Variants in TFEB observed in about 807,000 individuals in gnomAD.
The protein encoded by TFEB is transcription factor EB, also known as T-cell transcription factor EB.
Under a neutral mutation model 48.0 loss-of-function variants are expected in TFEB, and 12 were observed. The observed-to-expected ratio is 0.25, with a 90% CI of 0.16 to 0.40. The LOEUF (loss-of-function observed/expected upper bound fraction) is 0.40, where lower values mean the gene tolerates loss of function less well. TFEB is among the 10% of genes least tolerant of loss of function. The pLI, the probability that TFEB is intolerant of heterozygous loss-of-function variation, is 1.00. For synonymous variants in TFEB, 244 were observed against 261.4 expected (o/e 0.93, Z 0.64); for missense variants, 509 against 640.3 (o/e 0.79, Z 2.21).
intron 1 of TFEB, among the ~76,000 whole-genome samples, chr6:41,694,309 T>C (rs1452287410): frequency 6.6e-6 from 1 of 152,076 alleles, no homozygotes; most frequent in African/African-American, 2.4e-5. Context: ...GGAGAGGACG[T>C]TGGAGAAGTG....
intron 1 of TFEB, among the ~76,000 whole-genome samples, chr6:41,704,292 A>C (rs539884908): frequency 2.1e-4 from 32 of 152,364 alleles, no homozygotes; most frequent in Non-Finnish European, 4.4e-5. Flanking sequence ...CTGACAGACC[A>C]GAATTCAAAT....
At chr6:41,714,901 G>A (rs1262646350) in intron 1 of TFEB, among the ~76,000 whole-genome samples, 2 of 152,226 alleles carry the variant, frequency 1.3e-5, no homozygotes, top group Non-Finnish European at 2.9e-5. Flanking sequence ...GGCACAAAAT[G>A]TCAGACGACA....
chr6:41,718,675 C>CT (rs59866135), intron 1 of TFEB, among the ~76,000 whole-genome samples: 6,517 of 144,202 alleles, frequency 0.045, 469 homozygotes, highest in African/African-American at 0.15. Flanking sequence ...CCCTATTTTT[C>CT]TTTTTTTTTT....
rs911106922 is a variant in TFEB, at chr6:41,723,814, C to A, written c.-23+11536G>T. 27 of 406,348 alleles carry A rather than the reference C, an allele frequency of 6.6e-5. No homozygotes were observed. The highest frequency in any genetic ancestry group is 4.0e-4 in the Admixed American group (14 of 34,874). The allele number at this position is 406,348 out of a possible 1,614,324, so 25.2% of individuals were successfully genotyped here. A position where few individuals can be genotyped will look rare whatever the true frequency, so the allele number is the denominator to read the frequency against. On this transcript the variant is annotated intron_variant, in intron 1 of 8. Transcript: ENST00000373033. The surrounding 1 kb of genome is among the most constrained non-coding windows in gnomAD (Gnocchi z 6.0). Reference sequence around the variant, plus strand: ...AGGAGGCCTCTCATGGCCGCCCTGACCCCAGCCTGACCTCAGAGGGCCCTA... The same window carrying A: ...AGGAGGCCTCTCATGGCCGCCCTGAACCCAGCCTGACCTCAGAGGGCCCTA...
At chr6:41,689,365 G>A (rs2077167548) in intron 4 of TFEB, among the ~76,000 whole-genome samples, 1 of 152,110 alleles carries the variant, frequency 6.6e-6, no homozygotes, top group Non-Finnish European at 1.5e-5. Flanking sequence ...GTCCCCAAAG[G>A]AGCTCATTAG....
chr6:41,712,284 C>T (rs1770516168), intron 1 of TFEB, among the ~76,000 whole-genome samples: 1 of 152,198 alleles, frequency 6.6e-6, no homozygotes, highest in South Asian at 2.1e-4. Flanking sequence ...TCTCAGGGTC[C>T]TCTTCTACCC....
chr6:41,704,775 C>T (rs1020802399), intron 1 of TFEB, among the ~76,000 whole-genome samples: 3 of 151,984 alleles, frequency 2.0e-5, no homozygotes, highest in Non-Finnish European at 4.4e-5. Flanking sequence ...CTGGTGGAAG[C>T]ACAGAGCTAT....
At position 41,684,543 on chromosome 6, in the gene TFEB, CT is replaced by C. The variant is rs1768882770; in HGVS notation, c.*55del. On this transcript the variant is annotated 3_prime_UTR_variant, in exon 9 of 9. Coordinates refer to ENST00000373033, the MANE Select transcript of TFEB (RefSeq NM_001271944.2). Reference sequence around the variant, plus strand: ...CCTGAAGGGTGGGAGGGAGGTGCCCCTGGCCCTCCCAGCCCCCAGGCCGGCC... The same window carrying C: ...CCTGAAGGGTGGGAGGGAGGTGCCCCGGCCCTCCCAGCCCCCAGGCCGGCC... 4 of 1,500,060 alleles carry C rather than the reference CT, an allele frequency of 2.7e-6. No individual in the cohort carries two copies. The highest frequency in any genetic ancestry group is 1.4e-5 in the African/African-American group (1 of 70,892). The allele number at this position is 1,500,060 out of a possible 1,614,324, so 92.9% of individuals were successfully genotyped here.
At chr6:41,699,246 C>G (rs565203921) in intron 1 of TFEB, among the ~76,000 whole-genome samples, 3 of 152,340 alleles carry the variant, frequency 2.0e-5, no homozygotes, top group African/African-American at 7.2e-5. Flanking sequence ...AATTTGTGGG[C>G]AGAGGGGAGG....
rs1771143175 is a variant in TFEB, at chr6:41,724,967, C to CA, written c.-23+10382dup. ...TGGCTCTACTGGAACGCAACAGCCACAAGGCCCCTTTGCAGGGACGCCTCC... is the reference window on the plus strand; with the variant it reads ...TGGCTCTACTGGAACGCAACAGCCACAAAGGCCCCTTTGCAGGGACGCCTCC... On this transcript the variant is annotated intron_variant, in intron 1 of 8. Transcript: ENST00000373033. This position sits in a 1 kb window ranked among gnomAD's most constrained non-coding sequence, Gnocchi z 4.4. Among the ~76,000 whole-genome samples the CA allele has an allele frequency of 6.6e-6, 1 of 152,230 alleles. No individual in the cohort carries two copies. Among genetic ancestry groups the CA allele is most frequent in the Admixed American group, 6.5e-5 (1 of 15,288 alleles).
At chr6:41,735,742 C>A, upstream of TFEB, 1 of 229,824 alleles carries the variant, frequency 4.4e-6, no homozygotes, top group South Asian at 1.2e-4. Flanking sequence ...TCCCGCTCAG[C>A]GGACTAAGGC....
At chr6:41,725,217 G>C (rs530025357) in intron 1 of TFEB, among the ~76,000 whole-genome samples, 1 of 152,316 alleles carries the variant, frequency 6.6e-6, no homozygotes, top group East Asian at 1.9e-4. Context: ...CTCAGGGCCA[G>C]GTAATTAGTT....
chr6:41,721,271 A>G (rs1242185104), intron 1 of TFEB, among the ~76,000 whole-genome samples: 1 of 152,122 alleles, frequency 6.6e-6, no homozygotes, highest in Non-Finnish European at 1.5e-5. Flanking sequence ...TAGGTGCTCT[A>G]TAAACATGGC....
intron 1 of TFEB, among the ~76,000 whole-genome samples, chr6:41,692,038 A>C (rs1250184916): frequency 6.6e-6 from 1 of 152,024 alleles, no homozygotes; most frequent in Non-Finnish European, 1.5e-5. Flanking sequence ...CAAGGCTCAA[A>C]TGTTACCTTA....
intron 4 of TFEB, among the ~76,000 whole-genome samples, 161 bp downstream of exon 4, chr6:41,689,570 G>C (rs186105649): frequency 6.6e-6 from 1 of 152,026 alleles, no homozygotes. Context: ...TCTTGGCCCC[G>C]GCCTTTGTCA....
intron 1 of TFEB, chr6:41,732,795 T>C (rs1366488720): frequency 1.0e-6 from 1 of 985,822 alleles, no homozygotes; most frequent in Admixed American, 6.1e-5. Context: ...CTGGCAGCTC[T>C]GGGAACCCTG....
Position 41,734,880 on chromosome 6 carries a change from C to A in TFEB, c.-23+470G>T. 1 of 984,996 alleles carries A rather than the reference C, an allele frequency of 1.0e-6. No individual in the cohort carries two copies. Among genetic ancestry groups the A allele is most frequent in the Non-Finnish European group, 1.2e-6 (1 of 829,660 alleles). 61.0% of individuals were successfully genotyped at this position (984,996 alleles called of 1,614,324 possible). ...CCCCCGCTGGCCTGGCCAGACTCAGCCCCCGCACACCTCCCCTACCTCCGA... is the reference window on the plus strand; with the variant it reads ...CCCCCGCTGGCCTGGCCAGACTCAGACCCCGCACACCTCCCCTACCTCCGA... On this transcript the variant is annotated intron_variant, in intron 1 of 8. Coordinates refer to ENST00000373033, the MANE Select transcript of TFEB (RefSeq NM_001271944.2). The surrounding 1 kb of genome is among the most constrained non-coding windows in gnomAD (Gnocchi z 4.0).
chr6:41,706,821 C>T (rs890319131), intron 1 of TFEB, among the ~76,000 whole-genome samples: 2 of 151,998 alleles, frequency 1.3e-5, no homozygotes, highest in Non-Finnish European at 2.9e-5. Flanking sequence ...CCCCATCTCC[C>T]CCCGCCCACA....
At chr6:41,707,104 T>C (rs1352566155) in intron 1 of TFEB, among the ~76,000 whole-genome samples, 3 of 151,996 alleles carry the variant, frequency 2.0e-5, no homozygotes, top group Admixed American at 2.0e-4. Flanking sequence ...GAGTTGAGAC[T>C]CAGGCAGCAG....
Sources: allele counts gnomAD v4.1 joint callset (sites outside exome capture counted in the v4.1 genomes callset), GRCh38; gene constraint gnomAD v4.1.1; non-coding constraint Gnocchi (gnomAD v3.1); transcripts MANE v1.5; gene names NCBI Gene and HGNC (gene_info 2026-07-23, HGNC 2026-07-21).